The following LARP7 variants were observed in gnomAD, a reference collection of about 807,000 sequenced individuals.
The protein encoded by LARP7 is La ribonucleoprotein 7, transcriptional regulator.
A neutral mutation model predicts 69.3 loss-of-function variants in LARP7; 52 were observed. The observed-to-expected ratio is 0.75, with a 90% CI of 0.60 to 0.95. The LOEUF (loss-of-function observed/expected upper bound fraction) is 0.95. Among genes scored for constraint, LARP7 ranks in the 40% least tolerant of loss-of-function variants. The pLI is 0.00. For missense variants in LARP7, 733 were observed against 673.0 expected (o/e 1.09, Z -0.99); for synonymous variants, 254 against 215.9 (o/e 1.18, Z -1.55).
At chr4:112,650,323 A>T in intron 9 of LARP7, 138 bp from the exon 10 acceptor site, 1 of 787,996 alleles carries the variant, frequency 1.3e-6, no homozygotes, top group Non-Finnish European at 2.0e-6. Flanking sequence ...TATAACCTTT[A>T]ATTGTTTACT....
intron 10 of LARP7, among the ~76,000 whole-genome samples, chr4:112,652,536 AT>A (rs975879670): frequency 4.0e-5 from 6 of 151,790 alleles, no homozygotes; most frequent in African/African-American, 1.2e-4. Context: ...TTACTTAGGT[AT>A]TTTTTTCAGA....
chr4:112,644,595 C>T, intron 1 of LARP7, 73 bp from the exon 2 acceptor site: 1 of 1,210,546 alleles, frequency 8.3e-7, no homozygotes, highest in Non-Finnish European at 1.1e-6. Flanking sequence ...CAGTTAAAGG[C>T]TAATCTAAAT....
chr4:112,654,028 T>A lies in LARP7; in HGVS notation c.1577-40T>A, dbSNP rs781073989. 4.9e-6 allele frequency: 7 copies of A among 1,420,062 alleles called. No homozygotes were observed. In the South Asian group the frequency reaches 6.9e-5, roughly 14 times the overall value. 88.0% of individuals were successfully genotyped at this position (1,420,062 alleles called of 1,614,324 possible). A position where few individuals can be genotyped will look rare whatever the true frequency, so the allele number is the denominator to read the frequency against. ...CCTTGAATATGGTTTTTCAGATATG[T>A]TCTTCTTTTCATCCATCAGAGTCTT... On this transcript the variant is annotated intron_variant, in intron 11 of 12. Coordinates refer to ENST00000344442, the MANE Select transcript of LARP7 (RefSeq NM_016648.4).
intron 12 of LARP7, among the ~76,000 whole-genome samples, chr4:112,656,348 A>G (rs1003711498): frequency 2.0e-5 from 3 of 152,204 alleles, no homozygotes. Context: ...CAGTGAGCCA[A>G]GATGGCGCCA....
chr4:112,640,090 C>T (rs1408218776), intron 1 of LARP7, among the ~76,000 whole-genome samples: 1 of 152,038 alleles, frequency 6.6e-6, no homozygotes, highest in Non-Finnish European at 1.5e-5. Flanking sequence ...AGGCATGGGC[C>T]ACCACACCCA....
intron 12 of LARP7, among the ~76,000 whole-genome samples, chr4:112,656,494 G>T (rs1467260570): frequency 6.6e-6 from 1 of 152,176 alleles, no homozygotes; most frequent in East Asian, 1.9e-4. Context: ...TCTGCCAAAA[G>T]GGATGTCTCC....
At chr4:112,646,273 T>A in intron 2 of LARP7, 78 bp from the exon 3 acceptor site, 1 of 712,562 alleles carries the variant, frequency 1.4e-6, no homozygotes, top group Non-Finnish European at 2.3e-6. Context: ...CCTGAGGGCC[T>A]GAGGGGCAGG....
chr4:112,647,532 C>T lies in LARP7; in HGVS notation c.980C>T (p.Ala327Val). 1 of 1,602,936 alleles carries T rather than the reference C, an allele frequency of 6.2e-7. No individual in the cohort carries two copies. Among genetic ancestry groups the T allele is most frequent in the Non-Finnish European group, 8.5e-7 (1 of 1,175,894 alleles). The part of the protein sequence containing the change: ...QKDIIKEASE[A>V]SKENRDIEIS... The stretch of plus-strand genomic sequence containing the variant: ...GACATCATTAAGGAAGCATCAGAAG[C>T]TTCCAAGGAAAATAGAGGTAAAACT... Residue 327 changes from alanine to valine, a missense_variant, in exon 7 of 13, where the codon GCT (alanine) becomes GTT (valine). Physicochemically the swap from Ala to Val is moderately conservative, Grantham distance 64. Transcript: ENST00000344442.
intron 1 of LARP7, among the ~76,000 whole-genome samples, chr4:112,644,111 A>C (rs1418095331): frequency 1.3e-5 from 2 of 150,366 alleles, no homozygotes; most frequent in Admixed American, 6.6e-5. Flanking sequence ...GCATGATGGC[A>C]TGTGCCTGTA....
At position 112,649,591 on chromosome 4, in the gene LARP7, C is replaced by A; in HGVS notation, c.1199C>A (p.Ala400Asp). The change falls in exon 9 of 13, where the codon GCT becomes GAT. Residue 400 changes from alanine (A) to aspartate (D), a missense_variant. By Grantham distance (126) the Ala-to-Asp change is moderately radical. Transcript: ENST00000344442. ...TTAGCGCTACAAAAAGCTAGCATGG[C>A]TTCTTTAAAAAAAACAATATCCCAA... is the stretch of plus-strand genomic sequence containing the variant. ...EYLALQKASMASLKKTISQIK... is the reference protein window; with the variant it reads ...EYLALQKASMDSLKKTISQIK... 6.2e-7 allele frequency: 1 copy of A among 1,606,678 alleles called. No homozygotes were observed. Among genetic ancestry groups the A allele is most frequent in the South Asian group, 1.1e-5 (1 of 90,304 alleles).
At chr4:112,649,178 C>T (rs932667933) in intron 8 of LARP7, among the ~76,000 whole-genome samples, 4 of 152,080 alleles carry the variant, frequency 2.6e-5, no homozygotes, top group Non-Finnish European at 5.9e-5. Flanking sequence ...AAATTGGAAG[C>T]AGTTTAACAA....
intron 1 of LARP7, among the ~76,000 whole-genome samples, chr4:112,642,483 T>TA (rs1251443704): frequency 7.2e-5 from 11 of 152,238 alleles, no homozygotes; most frequent in African/African-American, 2.7e-4. Flanking sequence ...CATTAAGGGC[T>TA]TTGTACCCTC....
At chr4:112,644,449 A>G (rs1258255775) in intron 1 of LARP7, 3 of 1,174,298 alleles carry the variant, frequency 2.6e-6, no homozygotes, top group African/African-American at 1.6e-5. Flanking sequence ...GTGTTTTAAA[A>G]GGTACAAAGA....
chr4:112,644,174 G>C (rs2048068712), intron 1 of LARP7: 1 of 170,934 alleles, frequency 5.9e-6, no homozygotes, highest in African/African-American at 2.4e-5. Flanking sequence ...CCCGGGAGAT[G>C]GAGGTTGCAG....
chr4:112,646,611 C>G lies in LARP7; in HGVS notation c.327C>G (p.Ile109Met), dbSNP rs540902339. The change falls in exon 4 of 13, where the codon ATC becomes ATG. Residue 109 changes from isoleucine (I) to methionine (M), a missense_variant. By Grantham distance (10) the Ile-to-Met change is conservative (BLOSUM62 1). Transcript: ENST00000344442. Reference sequence around the variant, plus strand: ...AGCTTGATTTGGAAGGCACCAGAATCCGGAGGAAAAAACCTCTGGGGGAAA... The same window carrying G: ...AGCTTGATTTGGAAGGCACCAGAATGCGGAGGAAAAAACCTCTGGGGGAAA... The part of the protein sequence containing the change: ...VVELDLEGTR[I>M]RRKKPLGERP... The G allele has an allele frequency of 1.9e-6, 3 of 1,598,284 alleles. No homozygotes were observed. The South Asian group carries it at 3.4e-5, about 18-fold the overall frequency.
Position 112,647,346 on chromosome 4 carries a change from C to T in LARP7, c.794C>T (p.Ser265Phe), listed in dbSNP as rs1027546928. 6 of 1,613,952 alleles carry T rather than the reference C, an allele frequency of 3.7e-6. No individual in the cohort carries two copies. Among genetic ancestry groups the T allele is most frequent in the Non-Finnish European group, 5.1e-6 (6 of 1,179,982 alleles). ...RPTSEGSDIE[S>F]TEPQKQCSKK... ...ACATCTGAGGGCTCTGACATTGAGT[C>T]CACTGAACCCCAAAAGCAGTGCTCA... The change falls in exon 7 of 13, where the codon TCC becomes TTC. Residue 265 changes from serine to phenylalanine, a missense_variant. Physicochemically the swap from Ser to Phe is radical, Grantham distance 155. Transcript: ENST00000344442.
Position 112,644,859 on chromosome 4 carries a change from T to G in LARP7, c.190T>G (p.Ser64Ala). The change falls in exon 2 of 13, where the codon TCT (serine) becomes GCT (alanine). Residue 64 changes from serine to alanine, a missense_variant. Physicochemically the swap from Ser to Ala is moderately conservative, Grantham distance 99. Coordinates refer to ENST00000344442, the MANE Select transcript of LARP7 (RefSeq NM_016648.4). ...DRFLREQIEK[S>A]RDGYVDISLL... ...ATTTCTTCGAGAACAGATAGAAAAA[T>G]CTAGAGATGGATGTAAGTTTGCTTC... The G allele has an allele frequency of 1.3e-6, 2 of 1,572,160 alleles. No individual in the cohort carries two copies. Among genetic ancestry groups the G allele is most frequent in the East Asian group, 4.6e-5 (2 of 43,246 alleles).
intron 10 of LARP7, among the ~76,000 whole-genome samples, chr4:112,652,099 T>C (rs1035605594): frequency 3.3e-5 from 5 of 151,766 alleles, no homozygotes; most frequent in Non-Finnish European, 7.4e-5. Flanking sequence ...TTCTAGAAAC[T>C]CACAGATTTT....
intron 12 of LARP7, chr4:112,654,459 A>G (rs1451748063): frequency 9.1e-6 from 2 of 219,350 alleles, no homozygotes; most frequent in Non-Finnish European, 1.8e-5. Context: ...TTGGTGATAA[A>G]TGATTATAGA....
Sources: gnomAD v4.1 joint callset for allele counts (sites outside exome capture counted in the v4.1 genomes callset) on GRCh38, gnomAD v4.1.1 for gene constraint, MANE v1.5 for transcripts, NCBI Gene and HGNC (gene_info 2026-07-23, HGNC 2026-07-21) for gene names.